Variants in PCDHGC3 observed in about 807,000 individuals in gnomAD.
PCDHGC3 encodes the protein protocadherin gamma subfamily C, 3.
A neutral mutation model predicts 59.2 loss-of-function variants in PCDHGC3; 26 were observed. That is an observed-to-expected ratio of 0.44 (90% CI 0.32 to 0.61). PCDHGC3 has a LOEUF of 0.61. PCDHGC3 is among the 20% of genes least tolerant of loss of function. PCDHGC3 has a pLI of 0.05. For missense variants in PCDHGC3, 1,080 were observed against 1,221.8 expected (o/e 0.88, Z 1.73); for synonymous variants, 487 against 519.7 (o/e 0.94, Z 0.86).
Position 141,486,567 on chromosome 5 carries a change from C to T in PCDHGC3, c.2430+8021C>T, listed in dbSNP as rs1562113360. On this transcript the variant is annotated intron_variant, in intron 1 of 3. Transcript: ENST00000308177. The surrounding 1 kb of genome is among the most constrained non-coding windows in gnomAD (Gnocchi z 5.0). ...CAGAGGTCACATGAGGTGTTTGTTCCTGAGAACAATCGCCCAGGGGACCTG... is the reference window on the plus strand; with the variant it reads ...CAGAGGTCACATGAGGTGTTTGTTCTTGAGAACAATCGCCCAGGGGACCTG... The T allele has an allele frequency of 6.2e-7, 1 of 1,613,918 alleles. No homozygotes were observed. The highest frequency in any genetic ancestry group is 8.5e-7 in the Non-Finnish European group (1 of 1,179,986).
intron 2 of PCDHGC3, among the ~76,000 whole-genome samples, chr5:141,497,006 T>C (rs947830895): frequency 1.3e-5 from 2 of 151,678 alleles, no homozygotes; most frequent in South Asian, 2.1e-4. Context: ...GCAGCCAACA[T>C]GGTGAAACCC....
chr5:141,500,618 C>T (rs554274946), intron 2 of PCDHGC3, among the ~76,000 whole-genome samples: 1 of 152,262 alleles, frequency 6.6e-6, no homozygotes, highest in South Asian at 2.1e-4. Flanking sequence ...CCCAGTCATA[C>T]GGTACATTTC....
chr5:141,497,960 C>T (rs946836523), intron 2 of PCDHGC3, among the ~76,000 whole-genome samples: 24 of 152,202 alleles, frequency 1.6e-4, no homozygotes, highest in African/African-American at 5.8e-4. Flanking sequence ...GTTGGCCAGG[C>T]AGTGTTCTCG....
chr5:141,476,382 A>G lies in PCDHGC3; in HGVS notation c.266A>G (p.Asn89Ser), dbSNP rs777831089. ...VNRETGEMFV[N>S]DRLDREELCG... ...CGGGAGACCGGAGAGATGTTTGTGA[A>G]CGACCGTCTGGATCGAGAGGAGCTG... The change falls in exon 1 of 4, where the codon AAC becomes AGC. Residue 89 changes from asparagine to serine, a missense_variant. Physicochemically the swap from Asn to Ser is conservative, Grantham distance 46. Transcript: ENST00000308177. This position sits in a 1 kb window ranked among gnomAD's most constrained non-coding sequence, Gnocchi z 7.6. 3.7e-6 allele frequency: 6 copies of G among 1,613,866 alleles called. No individual in the cohort carries two copies. The East Asian group carries it at 1.3e-4, about 36-fold the overall frequency.
At chr5:141,497,092 G>C (rs2099773958) in intron 2 of PCDHGC3, among the ~76,000 whole-genome samples, 1 of 152,092 alleles carries the variant, frequency 6.6e-6, no homozygotes, top group Admixed American at 6.5e-5. Flanking sequence ...AGGAGGCTGA[G>C]GCAGAACTGC....
At chr5:141,501,402 G>A (rs527659990) in intron 2 of PCDHGC3, among the ~76,000 whole-genome samples, 5 of 151,740 alleles carry the variant, frequency 3.3e-5, no homozygotes, top group Non-Finnish European at 7.4e-5. Flanking sequence ...ACAGGCCACT[G>A]CTTGGAAAAT....
chr5:141,511,003 G>T lies in PCDHGC3; in HGVS notation c.2635G>T (p.Ala879Ser), dbSNP rs114669158. ...GGGAGTMGLS[A>S]RYGPQFTLQH... The stretch of plus-strand genomic sequence containing the variant: ...GGGTGCCGGCACCATGGGATTGAGC[G>T]CCCGCTACGGACCCCAGTTCACCCT... Residue 879 changes from alanine to serine, a missense_variant, in exon 4 of 4, where the codon GCC (alanine) becomes TCC (serine). Coordinates refer to ENST00000308177, the MANE Select transcript of PCDHGC3 (RefSeq NM_002588.4). 2 of 1,614,032 alleles carry T rather than the reference G, an allele frequency of 1.2e-6. No individual in the cohort carries two copies. Among genetic ancestry groups the T allele is most frequent in the Non-Finnish European group, 1.7e-6 (2 of 1,180,020 alleles).
Position 141,491,935 on chromosome 5 carries a change from C to A in PCDHGC3, c.2431-2872C>A. 1 of 1,205,518 alleles carries A rather than the reference C, an allele frequency of 8.3e-7. No homozygotes were observed. Among genetic ancestry groups the A allele is most frequent in the South Asian group, 1.7e-5 (1 of 59,176 alleles). 74.7% of individuals were successfully genotyped at this position (1,205,518 alleles called of 1,614,324 possible). On this transcript the variant is annotated intron_variant, in intron 1 of 3. Transcript: ENST00000308177. The surrounding 1 kb of genome is among the most constrained non-coding windows in gnomAD (Gnocchi z 6.9). ...GACTGTGGGCGAGGGGAGGTGGGACCGACCCCCACCCCTACACTCAAAAAA... is the reference window on the plus strand; with the variant it reads ...GACTGTGGGCGAGGGGAGGTGGGACAGACCCCCACCCCTACACTCAAAAAA...
chr5:141,484,883 G>GCC (rs1231530221), intron 1 of PCDHGC3: 2 of 352,506 alleles, frequency 5.7e-6, no homozygotes, highest in Admixed American at 9.0e-5. Flanking sequence ...GATAGGGTGG[G>GCC]CTTTTTCCCC....
intron 1 of PCDHGC3, among the ~76,000 whole-genome samples, chr5:141,481,668 A>G (rs1051166504): frequency 6.6e-6 from 1 of 152,090 alleles, no homozygotes; most frequent in Admixed American, 6.6e-5. Flanking sequence ...TAATACAAAA[A>G]TCAGGCCGGG....
rs181397365 is a variant in PCDHGC3, at chr5:141,481,810, G to A, written c.2430+3264G>A. Among the ~76,000 whole-genome samples, 99 of 151,944 alleles carry A rather than the reference G, an allele frequency of 6.5e-4. 1 individual carries two copies. The highest frequency in any genetic ancestry group is 2.4e-3 in the African/African-American group (98 of 41,418). On this transcript the variant is annotated intron_variant, in intron 1 of 3. Transcript: ENST00000308177. ...CTACTAAAAATACAAAAATTCACCA[G>A]GCGTGGTGGCTGAGGCAGGAGAATC...
chr5:141,491,508 G>T lies in PCDHGC3; in HGVS notation c.2431-3299G>T. 1 of 1,614,030 alleles carries T rather than the reference G, an allele frequency of 6.2e-7. No homozygotes were observed. Among genetic ancestry groups the T allele is most frequent in the Non-Finnish European group, 8.5e-7 (1 of 1,180,014 alleles). ...ACCTGCAGGTGAGCTCGGACGGCACGCTCAAGTACATGGAGGTGACGCTGC... is the reference window on the plus strand; with the variant it reads ...ACCTGCAGGTGAGCTCGGACGGCACTCTCAAGTACATGGAGGTGACGCTGC... On this transcript the variant is annotated intron_variant, in intron 1 of 3. Transcript: ENST00000308177. The surrounding 1 kb of genome is among the most constrained non-coding windows in gnomAD (Gnocchi z 6.9).
chr5:141,505,616 C>A, intron 3 of PCDHGC3, 135 bp downstream of exon 3: 1 of 1,503,160 alleles, frequency 6.7e-7, no homozygotes. Flanking sequence ...CTGAAAGGAC[C>A]CACAATTCCA....
In PCDHGC3 at chr5:141,511,580, G is replaced by A. The variant is rs1436011320; in HGVS notation, c.*407G>A. ...CTCTTTCCCGAGTAAGGTGGTTGGG[G>A]TGTTGAAGTACCAAGTAACCTACAA... On this transcript the variant is annotated 3_prime_UTR_variant, in exon 4 of 4. Coordinates refer to ENST00000308177, the MANE Select transcript of PCDHGC3 (RefSeq NM_002588.4). 2 of 282,206 alleles carry A rather than the reference G, an allele frequency of 7.1e-6. No individual in the cohort carries two copies. Among genetic ancestry groups the A allele is most frequent in the Admixed American group, 4.6e-5 (1 of 21,516 alleles). The allele number at this position is 282,206 out of a possible 1,614,324, so 17.5% of individuals were successfully genotyped here.
At position 141,487,547 on chromosome 5, in the gene PCDHGC3, A is replaced by G. The variant is rs2099649592; in HGVS notation, c.2431-7260A>G. On this transcript the variant is annotated intron_variant, in intron 1 of 3. Coordinates refer to ENST00000308177, the MANE Select transcript of PCDHGC3 (RefSeq NM_002588.4). The surrounding 1 kb of genome is among the most constrained non-coding windows in gnomAD (Gnocchi z 5.0). ...TAGCTTCATGATGGTGAAGTCACCC[A>G]GTGCACCTATGGCAGGGGAGCCTGT... 2 of 1,614,216 alleles carry G rather than the reference A, an allele frequency of 1.2e-6. No individual in the cohort carries two copies. Among genetic ancestry groups the G allele is most frequent in the Non-Finnish European group, 8.5e-7 (1 of 1,180,046 alleles).
At position 141,476,402 on chromosome 5, in the gene PCDHGC3, G is replaced by A. The variant is rs775511298; in HGVS notation, c.286G>A (p.Glu96Lys). Reference protein sequence around the residue: ...MFVNDRLDREELCGTLPSCTV... With the variant: ...MFVNDRLDREKLCGTLPSCTV... The stretch of plus-strand genomic sequence containing the variant: ...TGTGAACGACCGTCTGGATCGAGAG[G>A]AGCTGTGTGGGACACTGCCCTCTTG... The change falls in exon 1 of 4, where the codon GAG becomes AAG. Residue 96 changes from glutamate to lysine, a missense_variant. Coordinates refer to ENST00000308177, the MANE Select transcript of PCDHGC3 (RefSeq NM_002588.4). This position sits in a 1 kb window ranked among gnomAD's most constrained non-coding sequence, Gnocchi z 7.6. 9 of 1,613,992 alleles carry A rather than the reference G, an allele frequency of 5.6e-6. No individual in the cohort carries two copies. Among genetic ancestry groups the A allele is most frequent in the African/African-American group, 1.3e-5 (1 of 74,904 alleles).
rs1160304959 is a variant in PCDHGC3, at chr5:141,490,969, C to A, written c.2431-3838C>A. On this transcript the variant is annotated intron_variant, in intron 1 of 3. Coordinates refer to ENST00000308177, the MANE Select transcript of PCDHGC3 (RefSeq NM_002588.4). This position sits in a 1 kb window ranked among gnomAD's most constrained non-coding sequence, Gnocchi z 5.4. ...GCCAGACTGGGAACACTCAGCCCCC[C>A]AGCGTCTCCCTCGCTCTGCTCCTCC... The A allele has an allele frequency of 2.5e-6, 4 of 1,613,820 alleles. No individual in the cohort carries two copies. In the African/African-American group the frequency reaches 4.0e-5, roughly 16 times the overall value.
At chr5:141,492,461 G>A (rs1218833302) in intron 1 of PCDHGC3, among the ~76,000 whole-genome samples, 1 of 152,212 alleles carries the variant, frequency 6.6e-6, no homozygotes, top group East Asian at 1.9e-4. Flanking sequence ...CGCGCCTGAG[G>A]GTCCCAGATC....
chr5:141,480,240 CA>C lies in PCDHGC3; in HGVS notation c.2430+1709del, dbSNP rs11374694. 4.6e-3 allele frequency among the ~76,000 whole-genome samples: 522 copies of C among 113,846 alleles called. 1 individual carries two copies. Among genetic ancestry groups the C allele is most frequent in the Non-Finnish European group, 5.4e-3 (287 of 52,954 alleles). 74.7% of individuals were successfully genotyped at this position (113,846 alleles called of 152,430 possible). A position where few individuals can be genotyped will look rare whatever the true frequency, so the allele number is the denominator to read the frequency against. ...GCGACATAGTGAGATCCTGTCTCTACAAAAAAAAAAAAAAATGTGTTTTCAT... is the reference window on the plus strand; with the variant it reads ...GCGACATAGTGAGATCCTGTCTCTACAAAAAAAAAAAAAATGTGTTTTCAT... On this transcript the variant is annotated intron_variant, in intron 1 of 3. Coordinates refer to ENST00000308177, the MANE Select transcript of PCDHGC3 (RefSeq NM_002588.4).
Sources: gnomAD v4.1 joint callset for allele counts (sites outside exome capture counted in the v4.1 genomes callset) on GRCh38, gnomAD v4.1.1 for gene constraint, Gnocchi (gnomAD v3.1) non-coding constraint, MANE v1.5 for transcripts, NCBI Gene and HGNC (gene_info 2026-07-23, HGNC 2026-07-21) for gene names.